ENTREP2: variants seen among roughly 807,000 people sequenced by gnomAD.
The protein encoded by ENTREP2 is endosomal transmembrane epsin interactor 2, also known as protein ENTREP2.
the ENTREP2 span, among the ~76,000 whole-genome samples, chr15:29,140,768 A>G: frequency 6.6e-6 from 1 of 152,164 alleles, no homozygotes; most frequent in Admixed American, 6.5e-5. Context: ...ACTGCCAGGT[A>G]TAAAGCTCAA....
chr15:29,269,414 T>G, the ENTREP2 span: 11 of 1,614,170 alleles, frequency 6.8e-6, no homozygotes, highest in Non-Finnish European at 8.5e-6. Context: ...TGGTCTTTAA[T>G]CAGCAAGAAC....
At chr15:29,192,446 C>T in the ENTREP2 span, among the ~76,000 whole-genome samples, 1 of 152,274 alleles carries the variant, frequency 6.6e-6, no homozygotes, top group South Asian at 2.1e-4. Context: ...ATTACAACAA[C>T]AAGAAGAAGA....
At chr15:29,457,536 G>T in the ENTREP2 span, among the ~76,000 whole-genome samples, 1 of 152,168 alleles carries the variant, frequency 6.6e-6, no homozygotes, top group Admixed American at 6.5e-5. Context: ...ACAGGTGCTC[G>T]GGGCAGAGGC....
At chr15:29,633,031 G>A in the ENTREP2 span, among the ~76,000 whole-genome samples, 2 of 152,376 alleles carry the variant, frequency 1.3e-5, no homozygotes, top group Non-Finnish European at 2.9e-5. Flanking sequence ...GGAAACAAAC[G>A]TTGGCATTAG....
At chr15:29,639,747 T>C in the ENTREP2 span, among the ~76,000 whole-genome samples, 2 of 147,866 alleles carry the variant, frequency 1.4e-5, no homozygotes, top group East Asian at 2.0e-4. Flanking sequence ...ATCAACAAAA[T>C]CAAAAGTTGG....
chr15:29,621,436 T>C, the ENTREP2 span, among the ~76,000 whole-genome samples: 1 of 138,468 alleles, frequency 7.2e-6, no homozygotes, highest in Non-Finnish European at 1.5e-5. Context: ...GGCAGGAGAA[T>C]GGCGTGAACC....
chr15:29,646,000 AAGCAGGGC>A, the ENTREP2 span, among the ~76,000 whole-genome samples: 1 of 152,156 alleles, frequency 6.6e-6, no homozygotes, highest in African/African-American at 2.4e-5. Context: ...GTCACACTGG[AAGCAGGGC>A]AAATGTCAGA....
the ENTREP2 span, among the ~76,000 whole-genome samples, chr15:29,401,843 G>A: frequency 4.5e-4 from 68 of 152,218 alleles, no homozygotes; most frequent in Admixed American, 2.3e-3. Flanking sequence ...GAATGATCTC[G>A]AAGATAAATA....
the ENTREP2 span, among the ~76,000 whole-genome samples, chr15:29,653,491 T>A: frequency 5.9e-5 from 9 of 152,316 alleles, no homozygotes; most frequent in African/African-American, 2.2e-4. Flanking sequence ...TGGAGGTAAC[T>A]GAATCATGGG....
At chr15:29,244,088 C>T in the ENTREP2 span, among the ~76,000 whole-genome samples, 278 of 152,320 alleles carry the variant, frequency 1.8e-3, no homozygotes, top group Non-Finnish European at 2.6e-3. Flanking sequence ...TATACCTTCT[C>T]AGCACCAGGA....
At chr15:29,430,903 G>A in the ENTREP2 span, among the ~76,000 whole-genome samples, 2 of 152,160 alleles carry the variant, frequency 1.3e-5, no homozygotes, top group Non-Finnish European at 2.9e-5. Context: ...TGGTCCCCAG[G>A]TTCCTGGTCT....
chr15:29,631,609 G>C, the ENTREP2 span, among the ~76,000 whole-genome samples: 4 of 152,248 alleles, frequency 2.6e-5, no homozygotes, highest in Non-Finnish European at 5.9e-5. Flanking sequence ...GAACTGGTCA[G>C]TTTTTACCTT....
the ENTREP2 span, among the ~76,000 whole-genome samples, chr15:29,657,447 T>G: frequency 1.3e-4 from 15 of 111,286 alleles, 1 homozygote; most frequent in African/African-American, 3.8e-4. Flanking sequence ...CACACAGAAG[T>G]GGACCCCTGC....
the ENTREP2 span, among the ~76,000 whole-genome samples, chr15:29,511,162 A>G: frequency 2.0e-5 from 3 of 152,154 alleles, no homozygotes; most frequent in Non-Finnish European, 4.4e-5. Context: ...GCAGGTCTGC[A>G]CATGTATCCC....
At chr15:29,404,961 C>A in the ENTREP2 span, among the ~76,000 whole-genome samples, 13 of 152,276 alleles carry the variant, frequency 8.5e-5, no homozygotes, top group East Asian at 2.1e-3. Context: ...GGCCCCGGCC[C>A]CCAGTTCCTC....
the ENTREP2 span, among the ~76,000 whole-genome samples, chr15:29,204,282 C>A: frequency 6.6e-6 from 1 of 152,178 alleles, no homozygotes; most frequent in African/African-American, 2.4e-5. Flanking sequence ...ATCAGCCTGT[C>A]TGGGAGTAGA....
chr15:29,276,978 C>T, the ENTREP2 span, among the ~76,000 whole-genome samples: 3 of 152,258 alleles, frequency 2.0e-5, no homozygotes, highest in East Asian at 5.8e-4. Context: ...GGGGAATGTG[C>T]TCATCATTTT....
chr15:29,542,830 T>C, the ENTREP2 span, among the ~76,000 whole-genome samples: 1 of 152,218 alleles, frequency 6.6e-6, no homozygotes, highest in African/African-American at 2.4e-5. Flanking sequence ...ACAGTATTTG[T>C]CCTTTGGGGA....
chr15:29,624,731 C>T, the ENTREP2 span, among the ~76,000 whole-genome samples: 3 of 152,120 alleles, frequency 2.0e-5, no homozygotes, highest in Non-Finnish European at 4.4e-5. Context: ...GTTTGTTGAG[C>T]CCTCCCTCAC....
Sources: gnomAD v4.1 joint callset for allele counts (sites outside exome capture counted in the v4.1 genomes callset) on GRCh38, gnomAD v4.1.1 for gene constraint, MANE v1.5 for transcripts, NCBI Gene and HGNC (gene_info 2026-07-23, HGNC 2026-07-21) for gene names.